OXR1: variants seen among roughly 807,000 people sequenced by gnomAD.
OXR1 encodes oxidation resistance 1.
Under a neutral mutation model 104.6 loss-of-function variants are expected in OXR1, and 41 were observed. That is an observed-to-expected ratio of 0.39 (90% CI 0.31 to 0.51). The LOEUF (loss-of-function observed/expected upper bound fraction) is 0.51, where lower values mean the gene tolerates loss of function less well. Among genes scored for constraint, OXR1 ranks in the 20% least tolerant of loss-of-function variants. The pLI, the probability that OXR1 is intolerant of heterozygous loss-of-function variation, is 0.77. For missense variants in OXR1, 955 were observed against 1,031.9 expected (o/e 0.93, Z 1.02); for synonymous variants, 348 against 348.4 (o/e 1.00, Z 0.01).
intron 2 of OXR1, among the ~76,000 whole-genome samples, chr8:106,507,505 T>C (rs2130001610): frequency 6.6e-6 from 1 of 152,334 alleles, no homozygotes; most frequent in East Asian, 1.9e-4. Context: ...CCTTTTGAAA[T>C]TGACTACATG....
At chr8:106,417,485 C>G (rs1818725513) in intron 2 of OXR1, among the ~76,000 whole-genome samples, 2 of 152,096 alleles carry the variant, frequency 1.3e-5, no homozygotes, top group South Asian at 4.1e-4. Flanking sequence ...TGAGGAGATT[C>G]ATTCATTTCA....
intron 1 of OXR1, among the ~76,000 whole-genome samples, chr8:106,294,661 A>G (rs1812915527): frequency 6.6e-6 from 1 of 152,106 alleles, no homozygotes; most frequent in Admixed American, 6.6e-5. Context: ...ACCAAATGTC[A>G]TGGGAACTCA....
intron 1 of OXR1, among the ~76,000 whole-genome samples, chr8:106,295,526 A>G (rs1339959497): frequency 6.6e-6 from 1 of 152,150 alleles, no homozygotes; most frequent in Non-Finnish European, 1.5e-5. Flanking sequence ...TAATGTTACC[A>G]TAAGATTTGA....
intron 3 of OXR1, among the ~76,000 whole-genome samples, chr8:106,673,332 C>T (rs1450598325): frequency 2.6e-5 from 4 of 151,992 alleles, no homozygotes; most frequent in Non-Finnish European, 4.4e-5. Flanking sequence ...ATATATAGAA[C>T]GTGAGAGAGA....
intron 1 of OXR1, among the ~76,000 whole-genome samples, chr8:106,281,799 CAAAAAAAAAAAAAAA>C (rs59515650): frequency 3.2e-5 from 2 of 62,924 alleles, no homozygotes; most frequent in Non-Finnish European, 6.6e-5. Flanking sequence ...GACTCTATCT[CAAAAAAAAAAAAAAA>C]AAAAAAAAAG....
chr8:106,347,398 G>T (rs1815541161), intron 1 of OXR1, among the ~76,000 whole-genome samples: 1 of 152,196 alleles, frequency 6.6e-6, no homozygotes, highest in Non-Finnish European at 1.5e-5. Context: ...CCTCTTAGAA[G>T]TAGACATTAG....
At chr8:106,547,085 T>C (rs1261530344) in intron 3 of OXR1, among the ~76,000 whole-genome samples, 4 of 152,170 alleles carry the variant, frequency 2.6e-5, no homozygotes, top group Admixed American at 1.3e-4. Flanking sequence ...GAGACCGGGT[T>C]TCACCATGTT....
At chr8:106,653,939 A>G (rs561387323) in intron 3 of OXR1, among the ~76,000 whole-genome samples, 38 of 152,214 alleles carry the variant, frequency 2.5e-4, no homozygotes, top group African/African-American at 7.0e-4. Flanking sequence ...TCTGTATACT[A>G]GCAATGGCAA....
chr8:106,364,911 C>T (rs935876312), intron 2 of OXR1, among the ~76,000 whole-genome samples: 2 of 152,140 alleles, frequency 1.3e-5, no homozygotes, highest in Admixed American at 1.3e-4. Context: ...CCTATTTGTG[C>T]TGCTAAATTG....
intron 3 of OXR1, among the ~76,000 whole-genome samples, chr8:106,673,487 A>G (rs1028483347): frequency 1.3e-5 from 2 of 152,234 alleles, no homozygotes; most frequent in African/African-American, 4.8e-5. Context: ...AAGCAGAGCT[A>G]AAAAGTTTGG....
At chr8:106,433,400 G>A (rs1271903975) in intron 2 of OXR1, among the ~76,000 whole-genome samples, 2 of 152,232 alleles carry the variant, frequency 1.3e-5, no homozygotes, top group East Asian at 1.9e-4. Flanking sequence ...GGGGAGGTTC[G>A]GACTCTTGGA....
intron 1 of OXR1, among the ~76,000 whole-genome samples, chr8:106,347,222 T>C (rs1196840688): frequency 6.6e-6 from 1 of 152,208 alleles, no homozygotes; most frequent in African/African-American, 2.4e-5. Flanking sequence ...TTTCCAATAA[T>C]GCCCTAAAGA....
intron 2 of OXR1, among the ~76,000 whole-genome samples, chr8:106,449,936 G>T (rs1586655514): frequency 6.6e-6 from 1 of 151,974 alleles, no homozygotes; most frequent in African/African-American, 2.4e-5. Context: ...TGTCTCACAG[G>T]CATGCACACT....
chr8:106,497,157 G>A (rs1811470731), intron 2 of OXR1, among the ~76,000 whole-genome samples: 1 of 152,214 alleles, frequency 6.6e-6, no homozygotes, highest in South Asian at 2.1e-4. Flanking sequence ...GCTGTTATCT[G>A]TGTAAAGTGC....
At chr8:106,462,584 C>A (rs917255223) in intron 2 of OXR1, among the ~76,000 whole-genome samples, 1 of 152,112 alleles carries the variant, frequency 6.6e-6, no homozygotes, top group Non-Finnish European at 1.5e-5. Context: ...GAAAACATTT[C>A]CTACTTTTCT....
At chr8:106,400,135 G>T (rs375673954) in intron 2 of OXR1, among the ~76,000 whole-genome samples, 142 of 151,886 alleles carry the variant, frequency 9.3e-4, no homozygotes, top group African/African-American at 3.1e-3. Context: ...CAACTATTTT[G>T]ATTGTTGTTT....
intron 1 of OXR1, among the ~76,000 whole-genome samples, chr8:106,347,648 C>A (rs1020885012): frequency 1.3e-5 from 2 of 152,076 alleles, no homozygotes; most frequent in African/African-American, 4.8e-5. Context: ...AAAGCCAGAT[C>A]AAATAAGTAA....
chr8:106,738,092 T>C (rs560916087), intron 12 of OXR1, among the ~76,000 whole-genome samples: 5 of 152,280 alleles, frequency 3.3e-5, no homozygotes, highest in African/African-American at 1.2e-4. Context: ...TACATTGGAA[T>C]AGTACAGTTT....
intron 2 of OXR1, among the ~76,000 whole-genome samples, chr8:106,382,311 C>T (rs1563747057): frequency 6.6e-6 from 1 of 152,006 alleles, no homozygotes; most frequent in Non-Finnish European, 1.5e-5. Context: ...TGTTTACTAA[C>T]CCAGATCCCC....
Sources: allele counts gnomAD v4.1 joint callset (sites outside exome capture counted in the v4.1 genomes callset), GRCh38; gene constraint gnomAD v4.1.1; transcripts MANE v1.5; gene names NCBI Gene and HGNC (gene_info 2026-07-23, HGNC 2026-07-21).